Variants in FAM174A observed in about 807,000 individuals in gnomAD.
FAM174A encodes the protein family with sequence similarity 174 member A.
FAM174A carries 14 observed loss-of-function variants against 14.3 expected under a neutral mutation model. The observed-to-expected ratio is 0.98, with a 90% confidence interval of 0.65 to 1.53. The LOEUF is 1.53. Among genes scored for constraint, FAM174A ranks in the 40% most tolerant of loss-of-function variants. The pLI is 0.00. For missense variants in FAM174A, 241 were observed against 249.6 expected (o/e 0.97, Z 0.23); for synonymous variants, 108 against 111.4 (o/e 0.97, Z 0.19).
chr5:100,546,388 A>G (rs1355209336), intron 1 of FAM174A, among the ~76,000 whole-genome samples: 2 of 152,104 alleles, frequency 1.3e-5, no homozygotes, highest in African/African-American at 4.8e-5. Flanking sequence ...ATGTGTGGGG[A>G]GGCAGGGGGA....
chr5:100,554,330 T>C (rs1365293315), intron 1 of FAM174A, among the ~76,000 whole-genome samples: 1 of 147,050 alleles, frequency 6.8e-6, no homozygotes, highest in Non-Finnish European at 1.5e-5. Flanking sequence ...TTTTTTTTTT[T>C]TTTGAGACAG....
chr5:100,557,457 A>C (rs1246860853), intron 1 of FAM174A, among the ~76,000 whole-genome samples: 2 of 152,160 alleles, frequency 1.3e-5, no homozygotes, highest in African/African-American at 4.8e-5. Context: ...TCATAAAATG[A>C]GTTAGGGAGG....
At chr5:100,546,437 G>A (rs26028) in intron 1 of FAM174A, among the ~76,000 whole-genome samples, 85,913 of 151,914 alleles carry the variant, frequency 0.57, 26,674 homozygotes, top group African/African-American at 0.81. Flanking sequence ...AATATCTACC[G>A]TATGAAGTGA....
chr5:100,538,409 C>A (rs1025377923), intron 1 of FAM174A, among the ~76,000 whole-genome samples: 2 of 151,988 alleles, frequency 1.3e-5, no homozygotes, highest in Non-Finnish European at 2.9e-5. Flanking sequence ...TTGTTTTTAT[C>A]TAATTCATTT....
chr5:100,586,346 T>TATTA lies in FAM174A; in HGVS notation c.*163_*166dup, dbSNP rs577228380. On this transcript the variant is annotated 3_prime_UTR_variant, in exon 3 of 3. Coordinates refer to ENST00000312637, the MANE Select transcript of FAM174A (RefSeq NM_198507.3). ...TGTTGCAATAAATACCGTATCCTTT[T>TATTA]ATTATATCTTTATATGTATAGAAGT... is the stretch of plus-strand genomic sequence containing the variant. The TATTA allele has an allele frequency of 1.5e-3, 633 of 436,432 alleles. 5 individuals carry two copies. The highest frequency in any genetic ancestry group is 0.012 in the African/African-American group (564 of 48,900). 27.0% of individuals were successfully genotyped at this position (436,432 alleles called of 1,614,324 possible).
chr5:100,538,465 A>T (rs1369479322), intron 1 of FAM174A, among the ~76,000 whole-genome samples: 1 of 152,084 alleles, frequency 6.6e-6, no homozygotes, highest in Non-Finnish European at 1.5e-5. Flanking sequence ...GAGTCTGGAA[A>T]CATTCCAAAG....
chr5:100,563,876 T>C (rs1286700350), intron 2 of FAM174A, among the ~76,000 whole-genome samples: 1 of 151,896 alleles, frequency 6.6e-6, no homozygotes, highest in East Asian at 1.9e-4. Flanking sequence ...CTAAACGATA[T>C]AGTTTGAATA....
At chr5:100,574,253 A>C (rs1233464480) in intron 2 of FAM174A, among the ~76,000 whole-genome samples, 1 of 152,234 alleles carries the variant, frequency 6.6e-6, no homozygotes, top group African/African-American at 2.4e-5. Context: ...CAGTGGCACT[A>C]TCTCGGCTCA....
intron 1 of FAM174A, among the ~76,000 whole-genome samples, chr5:100,557,560 T>C (rs1005698295): frequency 2.1e-4 from 32 of 152,224 alleles, no homozygotes; most frequent in Non-Finnish European, 2.9e-4. Context: ...TGAATCCATC[T>C]GGTCCTGGAC....
intron 1 of FAM174A, among the ~76,000 whole-genome samples, chr5:100,544,868 A>T (rs1293788979): frequency 6.6e-6 from 1 of 152,232 alleles, no homozygotes; most frequent in Non-Finnish European, 1.5e-5. Context: ...TAGTTATTGC[A>T]AAGTTTTTCT....
Position 100,535,741 on chromosome 5 carries a change from G to T in FAM174A, c.211G>T (p.Ala71Ser). 6.2e-7 allele frequency: 1 copy of T among 1,604,700 alleles called. No individual in the cohort carries two copies. Residue 71 changes from alanine to serine, a missense_variant, in exon 1 of 3, where the codon GCT (alanine) becomes TCT (serine). Coordinates refer to ENST00000312637, the MANE Select transcript of FAM174A (RefSeq NM_198507.3). Reference protein sequence around the residue: ...TPAQQPGRGLAEAAGPRGSEG... With the variant: ...TPAQQPGRGLSEAAGPRGSEG... ...TGCCCAGCAGCCGGGCCGTGGTCTGGCTGAAGCTGCGGGGCCGCGGGGCTC... is the reference window on the plus strand; with the variant it reads ...TGCCCAGCAGCCGGGCCGTGGTCTGTCTGAAGCTGCGGGGCCGCGGGGCTC...
At chr5:100,575,708 T>C (rs1053081658) in intron 2 of FAM174A, among the ~76,000 whole-genome samples, 4 of 152,114 alleles carry the variant, frequency 2.6e-5, no homozygotes, top group Non-Finnish European at 5.9e-5. Context: ...TTAAAGAGCT[T>C]CTGCACAGCA....
At chr5:100,563,807 GAATAGA>G (rs370856973) in intron 2 of FAM174A, among the ~76,000 whole-genome samples, 2 of 151,724 alleles carry the variant, frequency 1.3e-5, no homozygotes, top group African/African-American at 4.8e-5. Context: ...AACCTCCATG[GAATAGA>G]AATAGAAATC....
intron 2 of FAM174A, among the ~76,000 whole-genome samples, chr5:100,570,861 C>T (rs1746763869): frequency 8.6e-5 from 13 of 151,902 alleles, no homozygotes; most frequent in Admixed American, 8.6e-4. Context: ...AAGTAAATTT[C>T]TTACTATTTC....
rs1473061860 is a variant in FAM174A at position 100,535,703 on chromosome 5, C to A, written c.173C>A (p.Pro58Gln). 2.5e-6 allele frequency: 4 copies of A among 1,607,674 alleles called. No homozygotes were observed. The highest frequency in any genetic ancestry group is 2.5e-6 in the Non-Finnish European group (3 of 1,178,328). ...PRPRTLPPLP[P>Q]GPTPAQQPGR... ...CCACGGACATTACCGCCGCTGCCAC[C>A]GGGCCCTACCCCTGCCCAGCAGCCG... Residue 58 changes from proline (P) to glutamine (Q), a missense_variant, in exon 1 of 3, where the codon CCG becomes CAG. Transcript: ENST00000312637.
chr5:100,569,375 T>A (rs569590447), intron 2 of FAM174A, among the ~76,000 whole-genome samples: 31 of 131,112 alleles, frequency 2.4e-4, no homozygotes, highest in Admixed American at 2.0e-3. Context: ...TACATATTAC[T>A]CTATAGAGGC....
chr5:100,553,223 A>T (rs10491366), intron 1 of FAM174A, among the ~76,000 whole-genome samples: 27,446 of 152,080 alleles, frequency 0.18, 3,192 homozygotes, highest in Admixed American at 0.32. Flanking sequence ...AAAATAATAC[A>T]CAATGCATAT....
chr5:100,568,647 T>C (rs1165473055), intron 2 of FAM174A, among the ~76,000 whole-genome samples: 2 of 151,834 alleles, frequency 1.3e-5, no homozygotes, highest in Admixed American at 1.3e-4. Context: ...ATACTTTTAC[T>C]AATTGGTTCA....
chr5:100,573,646 C>G (rs1156603583), intron 2 of FAM174A, among the ~76,000 whole-genome samples: 1 of 150,396 alleles, frequency 6.6e-6, no homozygotes, highest in Non-Finnish European at 1.5e-5. Context: ...AATGGCCATA[C>G]TGCCCAAGGT....
Sources: gnomAD v4.1 joint callset for allele counts (sites outside exome capture counted in the v4.1 genomes callset) on GRCh38, gnomAD v4.1.1 for gene constraint, MANE v1.5 for transcripts, NCBI Gene and HGNC (gene_info 2026-07-23, HGNC 2026-07-21) for gene names.